PGR: variants seen among roughly 807,000 people sequenced by gnomAD.
PGR encodes the protein nuclear receptor subfamily 3 group C member 3.
A neutral mutation model predicts 76.1 loss-of-function variants in PGR; 25 were observed. The ratio of observed to expected loss-of-function variants is 0.33; its 90% CI spans 0.24 to 0.46. PGR has a LOEUF of 0.46. Ranked by LOEUF, PGR falls within the 20% of genes least tolerant of loss-of-function variation. PGR has a pLI of 1.00. For synonymous variants in PGR, 579 were observed against 535.0 expected (o/e 1.08, Z -1.14); for missense variants, 1,172 against 1,225.3 (o/e 0.96, Z 0.65).
intron 2 of PGR, among the ~76,000 whole-genome samples, chr11:101,107,034 G>A (rs1182493650): frequency 6.6e-6 from 1 of 152,154 alleles, no homozygotes; most frequent in Admixed American, 6.5e-5. Context: ...GACTTAGGGA[G>A]GGGAACATTA....
In PGR at chr11:101,105,495, C is replaced by CTTT. The variant is rs377349747; in HGVS notation, c.1790-13622_1790-13620dup. Among the ~76,000 whole-genome samples the CTTT allele has an allele frequency of 3.2e-4, 44 of 136,652 alleles. 1 individual carries two copies. Among genetic ancestry groups the CTTT allele is most frequent in the South Asian group, 4.7e-4 (2 of 4,224 alleles). The allele number at this position is 136,652 out of a possible 152,430, so 89.6% of individuals were successfully genotyped here. On this transcript the variant is annotated intron_variant, in intron 2 of 7. Transcript: ENST00000325455. ...AAGAATCCTATTTGGTAGCATATTC[C>CTTT]TTTTTTTTTTTTTTTTTTAGAAATG...
At chr11:101,086,869 A>C (rs1861517749) in intron 3 of PGR, among the ~76,000 whole-genome samples, 1 of 151,818 alleles carries the variant, frequency 6.6e-6, no homozygotes, top group African/African-American at 2.4e-5. Flanking sequence ...CTAGGTATAC[A>C]TATAACTAAG....
intron 3 of PGR, among the ~76,000 whole-genome samples, chr11:101,090,082 C>T (rs1861629081): frequency 6.6e-6 from 1 of 152,018 alleles, no homozygotes; most frequent in Non-Finnish European, 1.5e-5. Flanking sequence ...CCTATGATAC[C>T]AGCTACTTGG....
At chr11:101,124,290 A>G (rs484682) in intron 2 of PGR, among the ~76,000 whole-genome samples, 38,339 of 152,124 alleles carry the variant, frequency 0.25, 5,802 homozygotes, top group Non-Finnish European at 0.35. Flanking sequence ...CAAAATGACG[A>G]GAAAGCATTT....
chr11:101,049,572 T>C (rs1217795654), intron 6 of PGR, among the ~76,000 whole-genome samples: 1 of 152,144 alleles, frequency 6.6e-6, no homozygotes, highest in Non-Finnish European at 1.5e-5. Context: ...ATTTTTCAGC[T>C]CCACTATCAT....
intron 3 of PGR, among the ~76,000 whole-genome samples, chr11:101,073,147 ATTAGAACTCAGGAT>A (rs547446632): frequency 2.4e-4 from 37 of 152,342 alleles, no homozygotes; most frequent in Non-Finnish European, 4.4e-4. Flanking sequence ...GTGCAATCAA[ATTAGAACTCAGGAT>A]TAAGAAACTC....
Position 101,116,671 on chromosome 11 carries a change from C to T in PGR, c.1789+9336G>A, listed in dbSNP as rs140902409. 5.9e-3 allele frequency among the ~76,000 whole-genome samples: 848 copies of T among 143,792 alleles called. 4 individuals are homozygous for T. Among genetic ancestry groups the T allele is most frequent in the African/African-American group, 0.021 (815 of 38,746 alleles). 94.3% of individuals were successfully genotyped at this position (143,792 alleles called of 152,430 possible). On this transcript the variant is annotated intron_variant, in intron 2 of 7. Coordinates refer to ENST00000325455, the MANE Select transcript of PGR (RefSeq NM_000926.4). ...AGGAGAATCACTTGAACCAGGGAGGCACAGGTTGCAGTGAGCTGAGGTCAA... is the reference window on the plus strand; with the variant it reads ...AGGAGAATCACTTGAACCAGGGAGGTACAGGTTGCAGTGAGCTGAGGTCAA...
rs536303000 is a variant in PGR at position 101,128,954 on chromosome 11, G to C, written c.117C>G (p.Ser39Arg). The change falls in exon 1 of 8, where the codon AGC (serine) becomes AGG (arginine). Residue 39 changes from serine to arginine, a missense_variant. Physicochemically the swap from Ser to Arg is moderately radical, Grantham distance 110. Around this residue, in one of 4 missense-constraint regions of PGR, gnomAD observed 893 missense variants for 785.9 expected, o/e 1.14. Coordinates refer to ENST00000325455, the MANE Select transcript of PGR (RefSeq NM_000926.4). ...CRPAAGPFPGSQTSDTLPEVS... is the reference protein window; with the variant it reads ...CRPAAGPFPGRQTSDTLPEVS... ...CTTCAGGCAAGGTGTCCGAGGTCTG[G>C]CTCCCCGGGAACGGACCTGCGGCTG... The C allele has an allele frequency of 1.2e-5, 19 of 1,608,690 alleles. No individual in the cohort carries two copies. The highest frequency in any genetic ancestry group is 2.2e-5 in the East Asian group (1 of 44,766).
intron 2 of PGR, among the ~76,000 whole-genome samples, chr11:101,109,644 C>G (rs1862281983): frequency 6.6e-6 from 1 of 152,122 alleles, no homozygotes; most frequent in African/African-American, 2.4e-5. Context: ...AAGCCATTCC[C>G]ATAACACAAA....
chr11:101,070,627 A>G (rs1250801862), intron 3 of PGR, among the ~76,000 whole-genome samples: 1 of 152,134 alleles, frequency 6.6e-6, no homozygotes, highest in Non-Finnish European at 1.5e-5. Flanking sequence ...GGGACGCTGG[A>G]GCATGGTGGT....
At chr11:101,054,386 C>A (rs112418354) in intron 4 of PGR, among the ~76,000 whole-genome samples, 3 of 151,982 alleles carry the variant, frequency 2.0e-5, no homozygotes, top group African/African-American at 7.3e-5. Flanking sequence ...ATGACTTGAA[C>A]GTGTCTTCAA....
chr11:101,118,850 T>C (rs769315386), intron 2 of PGR, among the ~76,000 whole-genome samples: 27 of 152,218 alleles, frequency 1.8e-4, no homozygotes, highest in Admixed American at 3.3e-4. Context: ...ATTAGGTAGA[T>C]AGGGAAGATA....
At chr11:101,080,098 G>A (rs901854009) in intron 3 of PGR, among the ~76,000 whole-genome samples, 32 of 152,294 alleles carry the variant, frequency 2.1e-4, no homozygotes, top group African/African-American at 6.7e-4. Context: ...GGACCTGCTC[G>A]GTCCAAACTT....
intron 2 of PGR, among the ~76,000 whole-genome samples, chr11:101,109,216 G>C (rs1862269089): frequency 1.3e-5 from 2 of 152,120 alleles, no homozygotes; most frequent in Non-Finnish European, 2.9e-5. Flanking sequence ...GCCTCTAAAT[G>C]TTCAAGTGAA....
intron 2 of PGR, among the ~76,000 whole-genome samples, chr11:101,108,815 T>A (rs1289259601): frequency 6.6e-6 from 1 of 152,224 alleles, no homozygotes. Context: ...CTTATTGCGC[T>A]TTGCTTAATT....
intron 6 of PGR, among the ~76,000 whole-genome samples, chr11:101,045,475 C>T (rs1471650666): frequency 1.3e-5 from 2 of 152,118 alleles, no homozygotes; most frequent in Non-Finnish European, 2.9e-5. Context: ...CCTTCTAAGG[C>T]ACCACTGTCA....
intron 2 of PGR, among the ~76,000 whole-genome samples, chr11:101,104,973 G>C (rs2135476897): frequency 6.6e-6 from 1 of 152,286 alleles, no homozygotes; most frequent in Admixed American, 6.5e-5. Context: ...ATGGAAGCTG[G>C]AAGCTGGAAG....
At chr11:101,067,403 T>C (rs1860758823) in intron 3 of PGR, among the ~76,000 whole-genome samples, 1 of 152,100 alleles carries the variant, frequency 6.6e-6, no homozygotes, top group South Asian at 2.1e-4. Context: ...CTGACCTCAT[T>C]ATTAACCAGA....
chr11:101,114,233 C>A (rs534638239), intron 2 of PGR, among the ~76,000 whole-genome samples: 1 of 152,272 alleles, frequency 6.6e-6, no homozygotes, highest in Admixed American at 6.5e-5. Context: ...TAGATATTAC[C>A]AGACTGCATT....
Sources: allele counts gnomAD v4.1 joint callset (sites outside exome capture counted in the v4.1 genomes callset), GRCh38; gene constraint gnomAD v4.1.1; regional missense constraint gnomAD v4.1.1; transcripts MANE v1.5; gene names NCBI Gene and HGNC (gene_info 2026-07-23, HGNC 2026-07-21).